TBL1X: variants seen among roughly 807,000 people sequenced by gnomAD.
TBL1X encodes the protein transducin beta like 1 X-linked.
In TBL1X, 10 loss-of-function variants were observed where a neutral mutation model predicts 50.7. The observed-to-expected ratio is 0.20, with a 90% confidence interval of 0.12 to 0.33. The LOEUF (loss-of-function observed/expected upper bound fraction) is 0.33, where lower values mean the gene tolerates loss of function less well. Ranked by LOEUF, TBL1X falls within the 10% of genes least tolerant of loss-of-function variation. The probability of loss-of-function intolerance (pLI) is 1.00; values close to 1 mark genes in which losing one functional copy is unlikely to be tolerated. For synonymous variants in TBL1X, 190 were observed against 214.7 expected, an observed-to-expected ratio of 0.88 and a Z score of 1.01; for missense variants, 340 against 504.4, an observed-to-expected ratio of 0.67 and a Z score of 3.12.
chrX:9,611,348 C>T (rs897541774), intron 2 of TBL1X, among the ~76,000 whole-genome samples: 1 of 112,626 alleles, frequency 8.9e-6, no homozygotes, highest in African/African-American at 3.2e-5. Context: ...ATAATGGTTT[C>T]TCCTTGATGC....
At chrX:9,694,959 CAAATAAAT>C (rs58923242) in intron 11 of TBL1X, among the ~76,000 whole-genome samples, 9,541 of 100,150 alleles carry the variant, frequency 0.095, 451 homozygotes, top group Middle Eastern at 0.15. Flanking sequence ...AACTTCATCT[CAAATAAAT>C]AAATAAATAA....
intron 2 of TBL1X, among the ~76,000 whole-genome samples, chrX:9,503,078 A>C (rs1234457010): frequency 4.4e-5 from 5 of 112,412 alleles, no homozygotes; most frequent in Non-Finnish European, 7.5e-5. Flanking sequence ...AAAGACCATA[A>C]TAAGCGTGTG....
intron 2 of TBL1X, among the ~76,000 whole-genome samples, 153 bp downstream of exon 2, chrX:9,502,002 A>C (rs1404545257): frequency 1.8e-5 from 2 of 112,129 alleles, no homozygotes; most frequent in East Asian, 5.6e-4. Context: ...TGCAATTTCC[A>C]GTATGGTAGC....
intron 5 of TBL1X, among the ~76,000 whole-genome samples, chrX:9,661,323 G>A (rs1368858809): frequency 8.9e-6 from 1 of 111,965 alleles, no homozygotes; most frequent in African/African-American, 3.2e-5. Flanking sequence ...TGAGGTGGGT[G>A]GATTGCTTTG....
At chrX:9,618,980 G>A (rs1204856253) in intron 2 of TBL1X, among the ~76,000 whole-genome samples, 2 of 111,326 alleles carry the variant, frequency 1.8e-5, no homozygotes, top group Admixed American at 9.6e-5. Flanking sequence ...AAGCATTGGG[G>A]GTGTTTGGTG....
intron 3 of TBL1X, among the ~76,000 whole-genome samples, chrX:9,646,717 T>C (rs2082806583): frequency 8.9e-6 from 1 of 112,269 alleles, no homozygotes. Context: ...GCAGCCTAAC[T>C]AATGACACTC....
chrX:9,589,434 G>A (rs901586246), intron 2 of TBL1X, among the ~76,000 whole-genome samples: 3 of 109,017 alleles, frequency 2.8e-5, no homozygotes, highest in African/African-American at 1.0e-4. Flanking sequence ...GTTTATAGTC[G>A]GGATAGAAAT....
intron 2 of TBL1X, among the ~76,000 whole-genome samples, chrX:9,502,742 G>T (rs1010866979): frequency 3.6e-5 from 4 of 112,531 alleles, no homozygotes; most frequent in African/African-American, 1.3e-4. Context: ...TTTTTTGAAA[G>T]AATTAAGATT....
Position 9,606,278 on chromosome X carries a change from G to A in TBL1X, c.-130-33995G>A, listed in dbSNP as rs139064151. Reference sequence around the variant, plus strand: ...GACCGTCTGAGAAGCTGCCTGTCACGTCTCTCTTTGTCTTTTACACCCATA... The same window carrying A: ...GACCGTCTGAGAAGCTGCCTGTCACATCTCTCTTTGTCTTTTACACCCATA... On this transcript the variant is annotated intron_variant, in intron 2 of 17. Coordinates refer to ENST00000645353, the MANE Select transcript of TBL1X (RefSeq NM_005647.4). Among the ~76,000 whole-genome samples the A allele has an allele frequency of 5.8e-3, 651 of 112,095 alleles. 3 individuals carry two copies. The highest frequency in any genetic ancestry group is 0.02 in the African/African-American group (602 of 30,836).
At chrX:9,658,871 C>G (rs1400934041) in intron 5 of TBL1X, among the ~76,000 whole-genome samples, 1 of 112,113 alleles carries the variant, frequency 8.9e-6, no homozygotes, top group Non-Finnish European at 1.9e-5. Flanking sequence ...GTGGCACGAT[C>G]ACGGCTCACT....
intron 2 of TBL1X, among the ~76,000 whole-genome samples, chrX:9,604,098 A>G (rs890946596): frequency 1.8e-5 from 2 of 111,382 alleles, no homozygotes; most frequent in Non-Finnish European, 3.8e-5. Flanking sequence ...TCACCCCATA[A>G]CAGTAGTCAT....
chrX:9,464,279 G>T (rs890473449), upstream of TBL1X, among the ~76,000 whole-genome samples: 1 of 111,514 alleles, frequency 9.0e-6, no homozygotes, highest in African/African-American at 3.3e-5. Flanking sequence ...GATGCCTGGG[G>T]GGTTGGGGTG....
At chrX:9,603,755 G>A (rs970136261) in intron 2 of TBL1X, among the ~76,000 whole-genome samples, 1 of 111,673 alleles carries the variant, frequency 9.0e-6, no homozygotes, top group African/African-American at 3.3e-5. Flanking sequence ...AGTTCTGGAG[G>A]CCAGAAGTGC....
intron 2 of TBL1X, among the ~76,000 whole-genome samples, chrX:9,519,232 T>C (rs1457189400): frequency 9.0e-6 from 1 of 111,314 alleles, no homozygotes; most frequent in Non-Finnish European, 1.9e-5. Flanking sequence ...TATATACACA[T>C]ATATATTTAT....
At chrX:9,480,848 T>C (rs1396863229) in intron 1 of TBL1X, among the ~76,000 whole-genome samples, 4 of 104,479 alleles carry the variant, frequency 3.8e-5, no homozygotes, top group African/African-American at 1.1e-4. Flanking sequence ...TTATTTGATA[T>C]ATTAAAACTA....
chrX:9,668,420 T>TA (rs1311382520), intron 5 of TBL1X, among the ~76,000 whole-genome samples: 1 of 111,600 alleles, frequency 9.0e-6, no homozygotes, highest in Non-Finnish European at 1.9e-5. Context: ...GCTGATGTGT[T>TA]AAACATTGCT....
chrX:9,602,283 G>A (rs2082561041), intron 2 of TBL1X, among the ~76,000 whole-genome samples: 1 of 111,153 alleles, frequency 9.0e-6, no homozygotes, highest in South Asian at 3.8e-4. Flanking sequence ...GTTATAAAAT[G>A]TAAAATGAAT....
At chrX:9,594,179 C>T (rs1032593901) in intron 2 of TBL1X, among the ~76,000 whole-genome samples, 2 of 112,596 alleles carry the variant, frequency 1.8e-5, no homozygotes, top group Admixed American at 1.9e-4. Flanking sequence ...GGCTGTAATG[C>T]GCCAGGGCAA....
intron 1 of TBL1X, among the ~76,000 whole-genome samples, chrX:9,471,290 T>A (rs1172037149): frequency 8.9e-6 from 1 of 112,267 alleles, no homozygotes; most frequent in African/African-American, 3.2e-5. Flanking sequence ...TTGGTGACTT[T>A]TGTCCTGCCT....
Sources: gnomAD v4.1 joint callset for allele counts (sites outside exome capture counted in the v4.1 genomes callset) on GRCh38, gnomAD v4.1.1 for gene constraint, MANE v1.5 for transcripts, NCBI Gene and HGNC (gene_info 2026-07-23, HGNC 2026-07-21) for gene names.